Variants in SOD2 observed in about 807,000 individuals in gnomAD.
SOD2 encodes the protein superoxide dismutase 2.
Under a neutral mutation model 27.0 loss-of-function variants are expected in SOD2, and 11 were observed. That is an observed-to-expected ratio of 0.41 (90% CI 0.26 to 0.67). SOD2 has a LOEUF of 0.67. Ranked by LOEUF, SOD2 falls within the 30% of genes least tolerant of loss-of-function variation. The pLI is 0.34. For missense variants in SOD2, 250 were observed against 274.5 expected, an observed-to-expected ratio of 0.91 and a Z score of 0.63; for synonymous variants, 105 against 103.0, an observed-to-expected ratio of 1.02 and a Z score of -0.12.
intron 1 of SOD2, among the ~76,000 whole-genome samples, chr6:159,721,021 A>AT (rs140558738): frequency 0.01 from 1,374 of 136,824 alleles, 7 homozygotes; most frequent in African/African-American, 0.021. Context: ...GCACCCGACT[A>AT]TTTTTTTTTT....
intron 1 of SOD2, chr6:159,727,054 C>T (rs753148989): frequency 2.5e-6 from 3 of 1,217,500 alleles, no homozygotes; most frequent in Non-Finnish European, 3.1e-6. Flanking sequence ...GTACTTCCAC[C>T]TTCCCTTCCC....
chr6:159,762,247 G>A, exon 1 of SOD2: 1 of 1,406,242 alleles, frequency 7.1e-7, no homozygotes, highest in Admixed American at 2.6e-5. Context: ...GGAGGAAGCC[G>A]GTCAGGCCAA....
intron 1 of SOD2, among the ~76,000 whole-genome samples, chr6:159,737,277 G>A (rs1361225719): frequency 1.3e-5 from 2 of 152,070 alleles, no homozygotes; most frequent in Non-Finnish European, 2.9e-5. Context: ...TCGAACTCCC[G>A]GGCTCAAGAG....
chr6:159,757,859 C>G (rs1218457505), intron 1 of SOD2, among the ~76,000 whole-genome samples: 1 of 152,168 alleles, frequency 6.6e-6, no homozygotes, highest in Admixed American at 6.5e-5. Context: ...CCAATTTAAA[C>G]AAAAATGTAA....
chr6:159,728,437 A>AC (rs397963581), upstream of SOD2, among the ~76,000 whole-genome samples: 3 of 152,036 alleles, frequency 2.0e-5, no homozygotes, highest in African/African-American at 7.2e-5. Context: ...AAACAAAAAA[A>AC]CTATTATTTA....
At chr6:159,705,860 C>A (rs895962479) in intron 1 of SOD2, among the ~76,000 whole-genome samples, 26 of 152,160 alleles carry the variant, frequency 1.7e-4, no homozygotes, top group Non-Finnish European at 1.6e-4. Flanking sequence ...TTAAGGGCAG[C>A]CAGAGAGAAA....
At chr6:159,735,988 A>G (rs1778889498) in intron 1 of SOD2, among the ~76,000 whole-genome samples, 1 of 152,176 alleles carries the variant, frequency 6.6e-6, no homozygotes, top group African/African-American at 2.4e-5. Context: ...CAGCTTTTTT[A>G]CGAGGGAATT....
chr6:159,727,452 A>AGGGCGGAGCG, upstream of SOD2: 7 of 949,888 alleles, frequency 7.4e-6, no homozygotes, highest in African/African-American at 2.8e-5. Flanking sequence ...GGGGCGGGGC[A>AGGGCGGAGCG]GGGCGGAGCG....
At chr6:159,721,671 T>C (rs1278888069) in intron 1 of SOD2, among the ~76,000 whole-genome samples, 1 of 137,624 alleles carries the variant, frequency 7.3e-6, no homozygotes, top group African/African-American at 2.7e-5. Context: ...CCACTGCGGC[T>C]GACCTTTTTT....
rs1777516013 is a variant in SOD2 at position 159,701,120 on chromosome 6, T to C, written c.-115-8257A>G. On this transcript the variant is annotated intron_variant, in intron 1 of 2. Transcript: ENST00000401980. ...AATATAAATATAACCCCACACCTGC[T>C]TCCTCTCCAGGCCAATCCCTGGAGA... 2.0e-5 allele frequency among the ~76,000 whole-genome samples: 3 copies of C among 152,152 alleles called. No homozygotes were observed. In the South Asian group the frequency reaches 6.2e-4, roughly 31 times the overall value.
At chr6:159,754,126 CTCT>C (rs1779919965) in intron 1 of SOD2, among the ~76,000 whole-genome samples, 3 of 152,292 alleles carry the variant, frequency 2.0e-5, no homozygotes, top group Non-Finnish European at 4.4e-5. Context: ...ATCTCTGTTT[CTCT>C]TCTTTGTAAG....
At chr6:159,759,437 C>T (rs1285788874) in intron 1 of SOD2, among the ~76,000 whole-genome samples, 3 of 150,544 alleles carry the variant, frequency 2.0e-5, no homozygotes, top group South Asian at 2.1e-4. Context: ...TTTGGGAGGC[C>T]GAGGTGGGCG....
intron 1 of SOD2, among the ~76,000 whole-genome samples, chr6:159,703,882 T>C (rs1184494026): frequency 6.6e-6 from 1 of 152,248 alleles, no homozygotes; most frequent in Non-Finnish European, 1.5e-5. Flanking sequence ...CCTAGATGAA[T>C]GTTTCAGTGT....
chr6:159,755,765 C>CTTTTTTTTTTTTTTTTTTTTTTTTTTTTT lies in SOD2; in HGVS notation c.-336+5271_-336+5272insAAAAAAAAAAAAAAAAAAAAAAAAAAAAA. Reference sequence around the variant, plus strand: ...TTTTTCTTTGTTTTTTTTTTCTTTTCTTTTTTTTTTTTTTTTTTTTTTTTT... The same window carrying CTTTTTTTTTTTTTTTTTTTTTTTTTTTTT: ...TTTTTCTTTGTTTTTTTTTTCTTTTCTTTTTTTTTTTTTTTTTTTTTTTTTTTTTTTTTTTTTTTTTTTTTTTTTTTTTT... On this transcript the variant is annotated intron_variant, in intron 1 of 7. Transcript: ENST00000546087. 1.3e-4 allele frequency: 21 copies of CTTTTTTTTTTTTTTTTTTTTTTTTTTTTT among 160,624 alleles called. 2 individuals carry two copies. Among genetic ancestry groups the CTTTTTTTTTTTTTTTTTTTTTTTTTTTTT allele is most frequent in the Middle Eastern group, 2.8e-3 (1 of 356 alleles). The allele number at this position is 160,624 out of a possible 1,614,324, so 9.9% of individuals were successfully genotyped here. A position where few individuals can be genotyped will look rare whatever the true frequency, so the allele number is the denominator to read the frequency against.
chr6:159,741,275 A>G (rs562399178), intron 1 of SOD2, among the ~76,000 whole-genome samples: 18 of 152,322 alleles, frequency 1.2e-4, no homozygotes, highest in Non-Finnish European at 2.4e-4. Context: ...CTGATAGCAT[A>G]TGGCATTTAT....
At chr6:159,716,772 A>C (rs73802631) in intron 1 of SOD2, among the ~76,000 whole-genome samples, 6,068 of 152,278 alleles carry the variant, frequency 0.04, 187 homozygotes, top group African/African-American at 0.073. Flanking sequence ...AAAATGCACA[A>C]GATACTTTTC....
At chr6:159,734,176 TTTTG>T (rs1778762366) in intron 1 of SOD2, among the ~76,000 whole-genome samples, 3 of 152,054 alleles carry the variant, frequency 2.0e-5, no homozygotes, top group African/African-American at 4.8e-5. Context: ...TGTGTGTGTG[TTTTG>T]TTTGTTTGTT....
At chr6:159,753,471 A>G (rs752689201) in intron 1 of SOD2, 1 of 1,614,184 alleles carries the variant, frequency 6.2e-7, no homozygotes, top group Non-Finnish European at 8.5e-7. Flanking sequence ...CAAACAGGGA[A>G]AAAGTTAATG....
chr6:159,751,887 C>T (rs1779833040), intron 1 of SOD2, among the ~76,000 whole-genome samples: 1 of 151,994 alleles, frequency 6.6e-6, no homozygotes, highest in African/African-American at 2.4e-5. Context: ...CAAGGCGAAA[C>T]CCCATCTCTA....
Sources: allele counts gnomAD v4.1 joint callset (sites outside exome capture counted in the v4.1 genomes callset), GRCh38; gene constraint gnomAD v4.1.1; transcripts MANE v1.5; gene names NCBI Gene and HGNC (gene_info 2026-07-23, HGNC 2026-07-21).